COLEC12: variants seen among roughly 807,000 people sequenced by gnomAD.
COLEC12 encodes collectin-12.
A neutral mutation model predicts 71.1 loss-of-function variants in COLEC12; 33 were observed. That is an observed-to-expected ratio of 0.46 (90% confidence interval 0.35 to 0.62). COLEC12 has a LOEUF of 0.62. Among genes scored for constraint, COLEC12 ranks in the 20% least tolerant of loss-of-function variants. The probability of loss-of-function intolerance (pLI) is 0.00; values close to 1 mark genes in which losing one functional copy is unlikely to be tolerated. For missense variants in COLEC12, 765 were observed against 916.1 expected, an observed-to-expected ratio of 0.84 and a Z score of 2.13; for synonymous variants, 350 against 353.0, an observed-to-expected ratio of 0.99 and a Z score of 0.10.
At chr18:446,068 C>T (rs1916643050) in intron 2 of COLEC12, among the ~76,000 whole-genome samples, 1 of 152,196 alleles carries the variant, frequency 6.6e-6, no homozygotes, top group South Asian at 2.1e-4. Context: ...GCAGCATGTA[C>T]AAATACTGCC....
intron 2 of COLEC12, among the ~76,000 whole-genome samples, chr18:434,040 AAAGAG>A (rs746469484): frequency 2.4e-4 from 36 of 152,190 alleles, no homozygotes; most frequent in Non-Finnish European, 4.7e-4. Flanking sequence ...AAGAGAGAGA[AAAGAG>A]AAGAGAAGAG....
chr18:424,506 A>G (rs2143660815), intron 2 of COLEC12: 1 of 152,318 alleles, frequency 6.6e-6, no homozygotes, highest in East Asian at 1.9e-4. Context: ...ATGTTGTTTT[A>G]TAAGAGGCTT....
chr18:452,570 C>A (rs1916784165), intron 2 of COLEC12, among the ~76,000 whole-genome samples: 1 of 152,122 alleles, frequency 6.6e-6, no homozygotes, highest in African/African-American at 2.4e-5. Context: ...TGGTTAAGAA[C>A]CTTGGAAGAA....
At chr18:376,662 G>A (rs1025527246) in intron 2 of COLEC12, among the ~76,000 whole-genome samples, 6 of 152,166 alleles carry the variant, frequency 3.9e-5, no homozygotes, top group African/African-American at 1.4e-4. Context: ...CCTAAATGGG[G>A]ACACGAGTTT....
intron 2 of COLEC12, among the ~76,000 whole-genome samples, chr18:462,620 GA>G (rs1316129928): frequency 6.6e-6 from 1 of 152,118 alleles, no homozygotes; most frequent in Non-Finnish European, 1.5e-5. Flanking sequence ...CACACCTCTG[GA>G]TTTGCAAAAA....
At chr18:337,436 C>A (rs1057502490) in intron 5 of COLEC12, among the ~76,000 whole-genome samples, 6 of 152,204 alleles carry the variant, frequency 3.9e-5, no homozygotes, top group Non-Finnish European at 7.3e-5. Flanking sequence ...TCTCTCTTAG[C>A]AGAAGCTTAG....
intron 8 of COLEC12, among the ~76,000 whole-genome samples, chr18:323,188 T>C (rs1170980126): frequency 6.6e-6 from 1 of 152,198 alleles, no homozygotes; most frequent in African/African-American, 2.4e-5. Flanking sequence ...ATCATGCCAC[T>C]GCACTCCAGC....
chr18:390,710 A>G (rs1398262227), intron 2 of COLEC12, among the ~76,000 whole-genome samples: 2 of 152,096 alleles, frequency 1.3e-5, no homozygotes, highest in African/African-American at 4.8e-5. Context: ...CAGTGAGCCG[A>G]GATTGTGTCA....
intron 1 of COLEC12, among the ~76,000 whole-genome samples, chr18:498,887 T>C (rs1917764722): frequency 6.6e-6 from 1 of 152,144 alleles, no homozygotes; most frequent in African/African-American, 2.4e-5. Context: ...AAATGTAAAG[T>C]GGAAAAGTGT....
chr18:426,217 T>C (rs1039566576), intron 2 of COLEC12, among the ~76,000 whole-genome samples: 2 of 152,216 alleles, frequency 1.3e-5, no homozygotes, highest in African/African-American at 2.4e-5. Context: ...TAGGATGTAA[T>C]TAAGAAACGA....
chr18:404,004 T>G (rs1398812688), intron 2 of COLEC12, among the ~76,000 whole-genome samples: 1 of 152,250 alleles, frequency 6.6e-6, no homozygotes, highest in Admixed American at 6.5e-5. Flanking sequence ...GGTTATTTAT[T>G]TATCTTCTTT....
chr18:381,428 AAT>A (rs1915229527), intron 2 of COLEC12, among the ~76,000 whole-genome samples: 3 of 152,222 alleles, frequency 2.0e-5, no homozygotes, highest in African/African-American at 7.2e-5. Flanking sequence ...CATGTATCAA[AAT>A]ATCACACTGT....
chr18:499,134 C>A (rs1917769288), intron 1 of COLEC12, among the ~76,000 whole-genome samples: 1 of 152,132 alleles, frequency 6.6e-6, no homozygotes, highest in African/African-American at 2.4e-5. Context: ...TCAATCAGAG[C>A]CAGCTAAGGA....
chr18:405,951 G>A (rs1486982722), intron 2 of COLEC12, among the ~76,000 whole-genome samples: 3 of 152,072 alleles, frequency 2.0e-5, no homozygotes, highest in African/African-American at 7.2e-5. Context: ...CTAAGTCACA[G>A]GATGAGATAA....
At chr18:452,837 C>G (rs1916789520) in intron 2 of COLEC12, among the ~76,000 whole-genome samples, 1 of 152,228 alleles carries the variant, frequency 6.6e-6, no homozygotes, top group South Asian at 2.1e-4. Flanking sequence ...GCTTTGGCCA[C>G]AGGTGCTTCC....
intron 2 of COLEC12, among the ~76,000 whole-genome samples, chr18:412,532 G>A (rs2143638188): frequency 6.6e-6 from 1 of 151,288 alleles, no homozygotes; most frequent in East Asian, 1.9e-4. Flanking sequence ...TAGGAAGGAA[G>A]AACAAAGCAA....
chr18:490,542 T>C (rs1158849647), intron 1 of COLEC12, among the ~76,000 whole-genome samples: 1 of 152,228 alleles, frequency 6.6e-6, no homozygotes, highest in Non-Finnish European at 1.5e-5. Flanking sequence ...TACGACATTA[T>C]CTGACTCTTT....
intron 2 of COLEC12, among the ~76,000 whole-genome samples, chr18:405,565 C>T (rs530173379): frequency 8.5e-5 from 13 of 152,150 alleles, no homozygotes; most frequent in Admixed American, 1.3e-4. Flanking sequence ...ATAGAACCTA[C>T]GTTGAAATAT....
intron 2 of COLEC12, among the ~76,000 whole-genome samples, chr18:392,574 G>A (rs1034392574): frequency 2.0e-5 from 3 of 152,202 alleles, no homozygotes; most frequent in African/African-American, 7.2e-5. Flanking sequence ...TTGGTGAAAT[G>A]CCACACCCTT....
Sources: gnomAD v4.1 joint callset for allele counts (sites outside exome capture counted in the v4.1 genomes callset) on GRCh38, gnomAD v4.1.1 for gene constraint, MANE v1.5 for transcripts, NCBI Gene and HGNC (gene_info 2026-07-23, HGNC 2026-07-21) for gene names.